The following CROCC2 variants were observed in gnomAD, a reference collection of about 807,000 sequenced individuals.
CROCC2 encodes the protein ciliary rootlet coiled-coil, rootletin family member 2, also known as ciliary rootlet coiled-coil protein 2.
CROCC2 carries 163 observed loss-of-function variants against 177.6 expected under a neutral mutation model. That is an observed-to-expected ratio of 0.92 (90% CI 0.81 to 1.05). The LOEUF is 1.05. CROCC2 is among the 50% of genes least tolerant of loss of function. CROCC2 has a pLI of 0.00. For missense variants in CROCC2, 1,929 were observed against 1,797.8 expected, an observed-to-expected ratio of 1.07 and a Z score of -1.32; for synonymous variants, 904 against 787.3, an observed-to-expected ratio of 1.15 and a Z score of -2.48.
intron 28 of CROCC2, among the ~76,000 whole-genome samples, chr2:240,987,101 G>A (rs1224906142): frequency 6.6e-6 from 1 of 152,244 alleles, no homozygotes; most frequent in Non-Finnish European, 1.5e-5. Context: ...ATTACTGAAG[G>A]GGGCCCAGCG....
rs1382820090 is a variant in CROCC2, at chr2:240,973,071, A to G, written c.4401+4809A>G. 6.6e-6 allele frequency among the ~76,000 whole-genome samples: 1 copy of G among 152,210 alleles called. No homozygotes were observed. Among genetic ancestry groups the G allele is most frequent in the Non-Finnish European group, 1.5e-5 (1 of 68,030 alleles). The stretch of plus-strand genomic sequence containing the variant: ...CCTGGCTCTGCCAAGCTCCCGGCAC[A>G]GTCTAGAGCCAGCTCTGCCTTTGAC... On this transcript the variant is annotated intron_variant, in intron 27 of 31. Coordinates refer to ENST00000690015, the MANE Select transcript of CROCC2 (RefSeq NM_001351305.2). The surrounding 1 kb of genome is among the most constrained non-coding windows in gnomAD (Gnocchi z 4.7).
chr2:240,961,646 G>A (rs1026404655), intron 20 of CROCC2, among the ~76,000 whole-genome samples: 3 of 122,400 alleles, frequency 2.5e-5, no homozygotes, highest in Non-Finnish European at 3.3e-5. Context: ...CATCACACAC[G>A]CTCATCACAC....
intron 8 of CROCC2, 141 bp downstream of exon 8, chr2:240,932,555 G>C: frequency 1.5e-6 from 1 of 689,208 alleles, no homozygotes; most frequent in Admixed American, 2.1e-5. Flanking sequence ...TTTGAGGCAC[G>C]TCAGGAAGGT....
At chr2:240,932,627 C>T (rs139661050) in intron 8 of CROCC2, 75 bp from the exon 9 acceptor site, 1 of 715,386 alleles carries the variant, frequency 1.4e-6, no homozygotes, top group African/African-American at 1.7e-5. Flanking sequence ...ACCCTCAGGA[C>T]TGTCTGCGCG....
intron 20 of CROCC2, among the ~76,000 whole-genome samples, chr2:240,961,784 C>CAT (rs2059638013): frequency 2.4e-5 from 2 of 83,534 alleles, no homozygotes; most frequent in African/African-American, 1.2e-4. Flanking sequence ...ACACTCATCA[C>CAT]ACACACGCAC....
intron 27 of CROCC2, among the ~76,000 whole-genome samples, chr2:240,971,785 T>C (rs2106483490): frequency 6.6e-6 from 1 of 152,284 alleles, no homozygotes; most frequent in South Asian, 2.1e-4. Flanking sequence ...ACTGATCCCC[T>C]GGACCTGTCC....
intron 1 of CROCC2, among the ~76,000 whole-genome samples, chr2:240,914,116 G>A (rs143238939): frequency 5.6e-4 from 85 of 152,352 alleles, no homozygotes; most frequent in African/African-American, 1.9e-3. Context: ...TGCTCAGGCT[G>A]GGAAGGGGGC....
chr2:240,967,435 C>A lies in CROCC2; in HGVS notation c.4237C>A (p.Leu1413Met). The A allele has an allele frequency of 7.4e-7, 1 of 1,356,782 alleles. No individual in the cohort carries two copies. Among genetic ancestry groups the A allele is most frequent in the Non-Finnish European group, 1.0e-6 (1 of 970,336 alleles). The allele number at this position is 1,356,782 out of a possible 1,614,324, so 84.0% of individuals were successfully genotyped here. A position where few individuals can be genotyped will look rare whatever the true frequency, so the allele number is the denominator to read the frequency against. The part of the protein sequence containing the change: ...CARAQSRVGQ[L>M]QKALAEAEEG... Reference sequence around the variant, plus strand: ...CCGGGCCCAGAGCCGCGTGGGGCAGCTGCAGAAAGCCCTGGCTGAGGCGGA... The same window carrying A: ...CCGGGCCCAGAGCCGCGTGGGGCAGATGCAGAAAGCCCTGGCTGAGGCGGA... The change falls in exon 26 of 32, where the codon CTG becomes ATG. Residue 1413 changes from leucine to methionine, a missense_variant. Leu to Met is a conservative substitution (Grantham distance 15). This residue lies in a region of CROCC2 where 388 missense variants were observed against 352.7 expected (regional missense o/e 1.10). Transcript: ENST00000690015.
Position 240,949,188 on chromosome 2 carries a change from C to T in CROCC2, c.2482+91C>T, listed in dbSNP as rs1020865482. Reference sequence around the variant, plus strand: ...AGCTCAGTGCCCACACGTGCTGCACCCCCTCTCCGGAGCCCACAGGGGCAT... The same window carrying T: ...AGCTCAGTGCCCACACGTGCTGCACTCCCTCTCCGGAGCCCACAGGGGCAT... On this transcript the variant is annotated intron_variant, in intron 16 of 31. Coordinates refer to ENST00000690015, the MANE Select transcript of CROCC2 (RefSeq NM_001351305.2). This position sits in a 1 kb window ranked among gnomAD's most constrained non-coding sequence, Gnocchi z 4.5. The T allele has an allele frequency of 9.7e-6, 14 of 1,448,510 alleles. No individual in the cohort carries two copies. The African/African-American group carries it at 1.1e-4, about 12-fold the overall frequency. The allele number at this position is 1,448,510 out of a possible 1,614,324, so 89.7% of individuals were successfully genotyped here.
intron 14 of CROCC2, among the ~76,000 whole-genome samples, chr2:240,939,605 A>T (rs1369975054): frequency 1.3e-5 from 2 of 152,170 alleles, no homozygotes; most frequent in African/African-American, 4.8e-5. Context: ...TAATGAAATA[A>T]TGTGAGTCTG....
Position 240,930,216 on chromosome 2 carries a change from A to G in CROCC2, c.696A>G (p.Arg232=). The G allele has an allele frequency of 1.7e-6, 1 of 597,452 alleles. No individual in the cohort carries two copies. The highest frequency in any genetic ancestry group is 2.1e-5 in the South Asian group (1 of 47,436). The allele number at this position is 597,452 out of a possible 1,614,324, so 37.0% of individuals were successfully genotyped here. A position where few individuals can be genotyped will look rare whatever the true frequency, so the allele number is the denominator to read the frequency against. Reference sequence around the variant, plus strand: ...CCCGGGACCTCCTCCTCCTGTGGAGACAGGCCGTGGTGCTGGGGACAGACC... The same window carrying G: ...CCCGGGACCTCCTCCTCCTGTGGAGGCAGGCCGTGGTGCTGGGGACAGACC... ...GQPRDLLLLW[R]QAVVLGTDLA... The change falls in exon 6 of 32, where the codon AGA becomes AGG. Residue 232 remains arginine, a synonymous_variant. Coordinates refer to ENST00000690015, the MANE Select transcript of CROCC2 (RefSeq NM_001351305.2).
At chr2:240,936,316 C>A (rs1322784524) in intron 14 of CROCC2, among the ~76,000 whole-genome samples, 1 of 152,194 alleles carries the variant, frequency 6.6e-6, no homozygotes. Context: ...CAGCAGGTTC[C>A]CCCACGTGCC....
At chr2:240,907,104 C>T (rs867204140) in intron 1 of CROCC2, among the ~76,000 whole-genome samples, 34 of 152,130 alleles carry the variant, frequency 2.2e-4, no homozygotes, top group African/African-American at 7.7e-4. Context: ...TCTGGGACCT[C>T]GTTCACTGCC....
At chr2:240,940,196 C>G (rs183746774) in intron 14 of CROCC2, among the ~76,000 whole-genome samples, 72 of 152,246 alleles carry the variant, frequency 4.7e-4, no homozygotes, top group African/African-American at 1.7e-3. Flanking sequence ...GTTTCTTCCA[C>G]TAGATCTCCC....
At chr2:240,980,961 C>A (rs2059793725) in intron 27 of CROCC2, among the ~76,000 whole-genome samples, 1 of 90,884 alleles carries the variant, frequency 1.1e-5, no homozygotes, top group Non-Finnish European at 2.0e-5. Context: ...CTCATCCCTG[C>A]TCAGGCTCTG....
intron 19 of CROCC2, chr2:240,957,922 T>A: frequency 3.1e-6 from 3 of 971,316 alleles, no homozygotes; most frequent in Non-Finnish European, 3.7e-6. Flanking sequence ...AGGAAAGCCC[T>A]CCTGGGGCCC....
At chr2:240,907,655 T>G (rs977499022) in intron 1 of CROCC2, among the ~76,000 whole-genome samples, 1 of 152,164 alleles carries the variant, frequency 6.6e-6, no homozygotes. Flanking sequence ...GGGCAGGATA[T>G]TTGAATCAGG....
chr2:240,945,910 T>G, intron 14 of CROCC2, 150 bp from the exon 15 acceptor site: 3 of 600,026 alleles, frequency 5.0e-6, no homozygotes, highest in Non-Finnish European at 8.6e-6. Context: ...CATGTGTTTC[T>G]GAGATCCACC....
chr2:240,911,383 GC>G (rs1188429133), intron 1 of CROCC2, among the ~76,000 whole-genome samples: 1 of 144,194 alleles, frequency 6.9e-6, no homozygotes. Context: ...AGCAGCCTCC[GC>G]CCTCCCATCT....
Sources: gnomAD v4.1 joint callset for allele counts (sites outside exome capture counted in the v4.1 genomes callset) on GRCh38, gnomAD v4.1.1 for gene constraint, gnomAD v4.1.1 regional missense constraint, Gnocchi (gnomAD v3.1) non-coding constraint, MANE v1.5 for transcripts, NCBI Gene and HGNC (gene_info 2026-07-23, HGNC 2026-07-21) for gene names.